The following PCDHA7 variants were observed in gnomAD, a reference collection of about 807,000 sequenced individuals.
PCDHA7 encodes protocadherin alpha-7.
A neutral mutation model predicts 57.2 loss-of-function variants in PCDHA7; 37 were observed. The ratio of observed to expected loss-of-function variants is 0.65; its 90% CI spans 0.50 to 0.85. The LOEUF is 0.85. PCDHA7 is among the 40% of genes least tolerant of loss of function. The pLI, the probability that PCDHA7 is intolerant of heterozygous loss-of-function variation, is 0.00. For missense variants in PCDHA7, 1,188 were observed against 1,241.8 expected, an observed-to-expected ratio of 0.96 and a Z score of 0.65; for synonymous variants, 553 against 558.8, an observed-to-expected ratio of 0.99 and a Z score of 0.15.
At chr5:140,844,694 T>C (rs2150373280) in intron 1 of PCDHA7, among the ~76,000 whole-genome samples, 1 of 149,782 alleles carries the variant, frequency 6.7e-6, no homozygotes, top group Admixed American at 6.7e-5. Context: ...ATACAGAATA[T>C]TTGGGATTAT....
intron 1 of PCDHA7, chr5:140,848,054 T>TA (rs1554141984): frequency 1.2e-5 from 2 of 162,052 alleles, no homozygotes; most frequent in African/African-American, 4.9e-5. Context: ...TTTTAATTGT[T>TA]ACTTCATTTC....
rs377755323 is a variant in PCDHA7 at position 140,870,200 on chromosome 5, C to T, written c.2355+33462C>T. Reference sequence around the variant, plus strand: ...GTACGAGAGGACGCTCAGCCCAGCACGGTCATTGCCCTGATCAGCGTGTCT... The same window carrying T: ...GTACGAGAGGACGCTCAGCCCAGCATGGTCATTGCCCTGATCAGCGTGTCT... On this transcript the variant is annotated intron_variant, in intron 1 of 3. Transcript: ENST00000525929. 7 of 1,614,172 alleles carry T rather than the reference C, an allele frequency of 4.3e-6. No homozygotes were observed. The African/African-American group carries it at 5.3e-5, about 12-fold the overall frequency.
chr5:140,858,839 C>G (rs1306924023), intron 1 of PCDHA7: 1 of 317,040 alleles, frequency 3.2e-6, no homozygotes, highest in Non-Finnish European at 5.9e-6. Context: ...CCAAAAAATT[C>G]CACTGATCTA....
At chr5:140,928,194 A>G in intron 1 of PCDHA7, 2 of 1,614,204 alleles carry the variant, frequency 1.2e-6, no homozygotes, top group East Asian at 2.2e-5. Context: ...TCACTGTGTC[A>G]GTTGCTGATG....
chr5:140,929,232 G>A lies in PCDHA7; in HGVS notation c.2356-49717G>A, dbSNP rs782109734. On this transcript the variant is annotated intron_variant, in intron 1 of 3. Coordinates refer to ENST00000525929, the MANE Select transcript of PCDHA7 (RefSeq NM_018910.3). ...GTGGGGAGTACAATGCTGCCGACCTGCGAAATCTTGCCACTGGGGTAGGAC... is the reference window on the plus strand; with the variant it reads ...GTGGGGAGTACAATGCTGCCGACCTACGAAATCTTGCCACTGGGGTAGGAC... 2.5e-6 allele frequency: 4 copies of A among 1,613,756 alleles called. No individual in the cohort carries two copies. In the Admixed American group the frequency reaches 5.0e-5, roughly 20 times the overall value.
chr5:140,883,768 C>T, intron 1 of PCDHA7: 1 of 1,612,160 alleles, frequency 6.2e-7, no homozygotes, highest in Non-Finnish European at 8.5e-7. Flanking sequence ...GGCGGGTGGG[C>T]GAGCGTGCGC....
chr5:140,950,247 A>G (rs1483854749), intron 1 of PCDHA7, among the ~76,000 whole-genome samples: 1 of 152,004 alleles, frequency 6.6e-6, no homozygotes, highest in East Asian at 1.9e-4. Flanking sequence ...ATTTGTTCCT[A>G]AAGAGCTGAG....
At chr5:141,007,507 G>A (rs2098333216) in intron 3 of PCDHA7, among the ~76,000 whole-genome samples, 1 of 151,980 alleles carries the variant, frequency 6.6e-6, no homozygotes, top group Admixed American at 6.6e-5. Flanking sequence ...GGCAGAGACT[G>A]CAGTGAGCTG....
intron 1 of PCDHA7, chr5:140,877,084 C>G: frequency 6.2e-7 from 1 of 1,613,176 alleles, no homozygotes; most frequent in Non-Finnish European, 8.5e-7. Flanking sequence ...GGTGAGCGCG[C>G]GCGACGCCGG....
intron 1 of PCDHA7, among the ~76,000 whole-genome samples, chr5:140,840,752 A>G (rs1776854454): frequency 6.6e-6 from 1 of 152,098 alleles, no homozygotes; most frequent in Non-Finnish European, 1.5e-5. Context: ...ATAAGAACAC[A>G]AGAAGATAAA....
intron 1 of PCDHA7, among the ~76,000 whole-genome samples, chr5:140,894,013 T>G (rs1161643824): frequency 1.3e-5 from 2 of 152,232 alleles, no homozygotes; most frequent in African/African-American, 4.8e-5. Flanking sequence ...TGGTTCAAAT[T>G]ACCAGTTCTG....
intron 1 of PCDHA7, chr5:140,871,356 G>A (rs368141967): frequency 1.0e-4 from 163 of 1,614,090 alleles, no homozygotes; most frequent in Non-Finnish European, 1.3e-4. Context: ...CATACTCGCA[G>A]CAGAGGCGGC....
intron 1 of PCDHA7, chr5:140,862,653 G>A: frequency 1.8e-6 from 1 of 544,670 alleles, no homozygotes; most frequent in Non-Finnish European, 3.7e-6. Context: ...TGTCCGCGCG[G>A]GACCGGGACG....
chr5:141,000,292 T>C (rs2097899521), intron 3 of PCDHA7, among the ~76,000 whole-genome samples: 1 of 149,730 alleles, frequency 6.7e-6, no homozygotes, highest in Non-Finnish European at 1.5e-5. Flanking sequence ...GGAATATTGC[T>C]TGAGGCCAGG....
chr5:140,904,522 C>T (rs1241157884), intron 1 of PCDHA7, among the ~76,000 whole-genome samples: 1 of 151,956 alleles, frequency 6.6e-6, no homozygotes, highest in Admixed American at 6.6e-5. Flanking sequence ...CTGCTATAAA[C>T]TTGTGTGTTC....
intron 3 of PCDHA7, among the ~76,000 whole-genome samples, chr5:140,994,812 A>G (rs565084284): frequency 6.6e-5 from 10 of 152,328 alleles, no homozygotes; most frequent in African/African-American, 2.2e-4. Flanking sequence ...CAAAATACAA[A>G]AAACTGAATT....
In PCDHA7 at chr5:140,847,161, T is replaced by C. The variant is rs962983160; in HGVS notation, c.2355+10423T>C. The stretch of plus-strand genomic sequence containing the variant: ...GTAAGAAGATCTCTTGATTTCTGAG[T>C]AATAAACTAAAGGGCCATGAGTGAT... On this transcript the variant is annotated intron_variant, in intron 1 of 3. Transcript: ENST00000525929. Among the ~76,000 whole-genome samples, 8 of 149,570 alleles carry C rather than the reference T, an allele frequency of 5.3e-5. 1 individual carries two copies. The highest frequency in any genetic ancestry group is 7.5e-5 in the Non-Finnish European group (5 of 66,894).
chr5:140,887,801 G>T (rs1377550372), intron 1 of PCDHA7, among the ~76,000 whole-genome samples: 1 of 151,856 alleles, frequency 6.6e-6, no homozygotes, highest in Non-Finnish European at 1.5e-5. Context: ...CTTTATTTTT[G>T]TCCATTTCTT....
intron 1 of PCDHA7, 141 bp downstream of exon 1, chr5:140,836,879 C>T: frequency 1.5e-6 from 1 of 674,888 alleles, no homozygotes; most frequent in South Asian, 2.5e-5. Flanking sequence ...TGTATTTGCA[C>T]TAATTATTTG....
Sources: gnomAD v4.1 joint callset for allele counts (sites outside exome capture counted in the v4.1 genomes callset) on GRCh38, gnomAD v4.1.1 for gene constraint, MANE v1.5 for transcripts, NCBI Gene and HGNC (gene_info 2026-07-23, HGNC 2026-07-21) for gene names.